The following PCCA variants were observed in gnomAD, a reference collection of about 807,000 sequenced individuals.
PCCA encodes propionyl-CoA carboxylase subunit alpha, also known as propionyl-CoA carboxylase alpha chain, mitochondrial.
PCCA carries 74 observed loss-of-function variants against 101.3 expected under a neutral mutation model. That is an observed-to-expected ratio of 0.73 (90% CI 0.61 to 0.89). The LOEUF (loss-of-function observed/expected upper bound fraction) is 0.89. Ranked by LOEUF, PCCA falls within the 40% of genes least tolerant of loss-of-function variation. The pLI is 0.00. For synonymous variants in PCCA, 294 were observed against 313.6 expected (o/e 0.94, Z 0.66); for missense variants, 891 against 907.0 (o/e 0.98, Z 0.23).
chr13:100,473,802 T>G (rs2083208165), intron 21 of PCCA, among the ~76,000 whole-genome samples: 2 of 152,258 alleles, frequency 1.3e-5, no homozygotes, highest in African/African-American at 2.4e-5. Context: ...TGTCTATCTT[T>G]TGATTTCCTT....
At chr13:100,250,153 T>G (rs1377742854) in intron 8 of PCCA, among the ~76,000 whole-genome samples, 3 of 152,190 alleles carry the variant, frequency 2.0e-5, no homozygotes, top group Admixed American at 6.5e-5. Flanking sequence ...TCCTGATTTT[T>G]GGGAGAAGGC....
chr13:100,529,242 T>C (rs757907515), intron 23 of PCCA, among the ~76,000 whole-genome samples: 1 of 152,310 alleles, frequency 6.6e-6, no homozygotes, highest in East Asian at 1.9e-4. Flanking sequence ...ACAGATCCTC[T>C]ACTCTGGTCA....
chr13:100,315,414 G>C (rs2067259250), intron 16 of PCCA, among the ~76,000 whole-genome samples: 1 of 152,068 alleles, frequency 6.6e-6, no homozygotes, highest in Non-Finnish European at 1.5e-5. Context: ...TACTCATCTG[G>C]CTAATTCTGA....
At chr13:100,213,840 C>G (rs2059365524) in intron 7 of PCCA, among the ~76,000 whole-genome samples, 1 of 152,108 alleles carries the variant, frequency 6.6e-6, no homozygotes, top group Non-Finnish European at 1.5e-5. Flanking sequence ...GCAATGTTTT[C>G]TTTTGGTAGT....
chr13:100,356,520 A>G (rs1178313030), intron 18 of PCCA, among the ~76,000 whole-genome samples: 1 of 152,148 alleles, frequency 6.6e-6, no homozygotes, highest in East Asian at 1.9e-4. Context: ...TCATTAGTTG[A>G]TAGGAAAATG....
intron 18 of PCCA, among the ~76,000 whole-genome samples, chr13:100,347,126 C>T (rs1404639951): frequency 2.0e-5 from 3 of 152,186 alleles, no homozygotes; most frequent in Non-Finnish European, 2.9e-5. Flanking sequence ...CCGCCTGCCT[C>T]GGCCATCCAA....
At chr13:100,382,084 G>C (rs182692094) in intron 19 of PCCA, among the ~76,000 whole-genome samples, 3 of 152,236 alleles carry the variant, frequency 2.0e-5, no homozygotes, top group African/African-American at 7.2e-5. Flanking sequence ...AAGGGCCAGC[G>C]TAACAACCTT....
chr13:100,329,490 A>G (rs2069218735), intron 16 of PCCA, among the ~76,000 whole-genome samples: 1 of 152,186 alleles, frequency 6.6e-6, no homozygotes, highest in Non-Finnish European at 1.5e-5. Context: ...ATCCTTTTAA[A>G]GCTACATGAG....
At chr13:100,439,590 T>G (rs1476948932) in intron 20 of PCCA, among the ~76,000 whole-genome samples, 1 of 152,166 alleles carries the variant, frequency 6.6e-6, no homozygotes, top group Non-Finnish European at 1.5e-5. Context: ...AGTTCTTCAA[T>G]TTTGCTGTTC....
chr13:100,237,095 T>G (rs1428002058), intron 8 of PCCA: 1 of 152,242 alleles, frequency 6.6e-6, no homozygotes, highest in African/African-American at 2.4e-5. Flanking sequence ...AGAGAGCATT[T>G]GATTTGGCAA....
chr13:100,440,209 T>TATATATATATATAA (rs1348343858), intron 20 of PCCA, among the ~76,000 whole-genome samples: 1 of 107,490 alleles, frequency 9.3e-6, no homozygotes, highest in Non-Finnish European at 1.8e-5. Context: ...TATATATATA[T>TATATATATATATAA]AAAACGTGAT....
At chr13:100,406,081 TACTG>T (rs1024713015) in intron 19 of PCCA, among the ~76,000 whole-genome samples, 20 of 152,094 alleles carry the variant, frequency 1.3e-4, no homozygotes, top group African/African-American at 4.8e-4. Context: ...TGACATTACT[TACTG>T]ACCACAGGTC....
chr13:100,372,306 C>T (rs1371303246), intron 19 of PCCA, among the ~76,000 whole-genome samples: 3 of 152,094 alleles, frequency 2.0e-5, no homozygotes, highest in Non-Finnish European at 2.9e-5. Context: ...AAGCTGAGAT[C>T]GTGCCACTGC....
intron 9 of PCCA, among the ~76,000 whole-genome samples, chr13:100,261,268 G>T (rs2062485892): frequency 6.6e-6 from 1 of 151,726 alleles, no homozygotes; most frequent in Non-Finnish European, 1.5e-5. Context: ...TAAATGTAAA[G>T]GAATTAAATT....
chr13:100,218,349 T>G (rs1411998853), intron 7 of PCCA, among the ~76,000 whole-genome samples: 3 of 151,582 alleles, frequency 2.0e-5, no homozygotes, highest in Admixed American at 6.6e-5. Context: ...GGGTTGTTTT[T>G]TTTTTTTTTT....
intron 6 of PCCA, among the ~76,000 whole-genome samples, chr13:100,171,484 A>G (rs1256072348): frequency 6.6e-6 from 1 of 152,200 alleles, no homozygotes; most frequent in East Asian, 1.9e-4. Context: ...GCCCCACTCC[A>G]CTTCCACATT....
intron 21 of PCCA, among the ~76,000 whole-genome samples, chr13:100,509,306 G>A (rs1197737440): frequency 6.6e-6 from 1 of 152,210 alleles, no homozygotes. Context: ...AGCTGAATTT[G>A]TGAGAAGGTC....
intron 16 of PCCA, among the ~76,000 whole-genome samples, chr13:100,328,316 T>G (rs912209521): frequency 6.6e-6 from 1 of 151,118 alleles, no homozygotes; most frequent in African/African-American, 2.4e-5. Flanking sequence ...TGAGCCGAGG[T>G]TGCACCACTG....
intron 8 of PCCA, among the ~76,000 whole-genome samples, chr13:100,253,154 G>A (rs72658545): frequency 6.6e-6 from 1 of 152,034 alleles, no homozygotes; most frequent in Non-Finnish European, 1.5e-5. Flanking sequence ...AGACATACAT[G>A]CACTTATTTA....
Sources: gnomAD v4.1 joint callset for allele counts (sites outside exome capture counted in the v4.1 genomes callset) on GRCh38, gnomAD v4.1.1 for gene constraint, MANE v1.5 for transcripts, NCBI Gene and HGNC (gene_info 2026-07-23, HGNC 2026-07-21) for gene names.